ZNF804B: variants seen among roughly 807,000 people sequenced by gnomAD.
ZNF804B encodes zinc finger protein 804B, also known as zinc finger 804B.
In ZNF804B, 80 loss-of-function variants were observed where a neutral mutation model predicts 101.4. The observed-to-expected ratio is 0.79, with a 90% confidence interval of 0.66 to 0.95. ZNF804B has a LOEUF of 0.95. Among genes scored for constraint, ZNF804B ranks in the 40% least tolerant of loss-of-function variants. ZNF804B has a pLI of 0.00. For missense variants in ZNF804B, 1,673 were observed against 1,561.9 expected (o/e 1.07, Z -1.20); for synonymous variants, 622 against 558.8 (o/e 1.11, Z -1.59).
intron 1 of ZNF804B, among the ~76,000 whole-genome samples, chr7:89,195,867 A>G (rs1788540305): frequency 7.8e-6 from 1 of 128,492 alleles, no homozygotes; most frequent in Non-Finnish European, 1.6e-5. Flanking sequence ...GGACCTCTTG[A>G]AAGAGAACTA....
At chr7:88,895,052 A>C (rs1336853862) in intron 1 of ZNF804B, among the ~76,000 whole-genome samples, 2 of 152,236 alleles carry the variant, frequency 1.3e-5, no homozygotes, top group African/African-American at 4.8e-5. Flanking sequence ...AAAATGTATA[A>C]AACAATCTCA....
chr7:88,968,062 T>G (rs958676405), intron 1 of ZNF804B, among the ~76,000 whole-genome samples: 1 of 151,448 alleles, frequency 6.6e-6, no homozygotes, highest in Non-Finnish European at 1.5e-5. Context: ...TATTCTAACC[T>G]TTCAAAAAAA....
chr7:88,960,528 G>A (rs1793373531), intron 1 of ZNF804B, among the ~76,000 whole-genome samples: 1 of 149,728 alleles, frequency 6.7e-6, no homozygotes, highest in Admixed American at 6.6e-5. Flanking sequence ...GAAATAAGGA[G>A]GGATAAGAAA....
At chr7:88,903,551 A>C (rs1179616272) in intron 1 of ZNF804B, among the ~76,000 whole-genome samples, 1 of 152,180 alleles carries the variant, frequency 6.6e-6, no homozygotes, top group Non-Finnish European at 1.5e-5. Flanking sequence ...ACAGTGGCTG[A>C]ACTGCTTTAC....
chr7:88,769,636 A>C (rs576264979), intron 1 of ZNF804B, among the ~76,000 whole-genome samples: 54 of 152,292 alleles, frequency 3.5e-4, no homozygotes, highest in African/African-American at 1.3e-3. Context: ...AGTTTATAGG[A>C]GGTACATAAG....
At position 89,120,115 on chromosome 7, in the gene ZNF804B, T is replaced by G. The variant is rs113024906; in HGVS notation, c.109-98040T>G. On this transcript the variant is annotated intron_variant, in intron 1 of 3. Coordinates refer to ENST00000333190, the MANE Select transcript of ZNF804B (RefSeq NM_181646.5). ...GGGGCACCTTTATCACCTTTATCTATCCATTTAAAAATGAAGACTTAAAAC... is the reference window on the plus strand; with the variant it reads ...GGGGCACCTTTATCACCTTTATCTAGCCATTTAAAAATGAAGACTTAAAAC... Among the ~76,000 whole-genome samples the G allele has an allele frequency of 3.1e-3, 466 of 152,178 alleles. 4 individuals are homozygous for G. The highest frequency in any genetic ancestry group is 0.011 in the African/African-American group (445 of 41,532).
intron 1 of ZNF804B, among the ~76,000 whole-genome samples, chr7:89,117,189 A>G (rs749096086): frequency 3.9e-4 from 59 of 152,312 alleles, no homozygotes; most frequent in African/African-American, 1.3e-3. Context: ...TGATAAGTCA[A>G]TTTTGGCCAA....
At chr7:89,238,537 A>G (rs115513063) in intron 2 of ZNF804B, among the ~76,000 whole-genome samples, 1,741 of 152,300 alleles carry the variant, frequency 0.011, 33 homozygotes, top group African/African-American at 0.04. Flanking sequence ...AGTTAAATTT[A>G]TATGTATGTG....
At chr7:89,022,463 A>G (rs1173168069) in intron 1 of ZNF804B, among the ~76,000 whole-genome samples, 1 of 151,990 alleles carries the variant, frequency 6.6e-6, no homozygotes, top group East Asian at 1.9e-4. Context: ...CTTTGTTTTT[A>G]TTGTTGTTTT....
At chr7:88,761,277 TA>T (rs950580942) in intron 1 of ZNF804B, among the ~76,000 whole-genome samples, 1 of 152,148 alleles carries the variant, frequency 6.6e-6, no homozygotes, top group Non-Finnish European at 1.5e-5. Context: ...TTATGTACTA[TA>T]AAAAGTGGGT....
intron 2 of ZNF804B, among the ~76,000 whole-genome samples, chr7:89,278,808 G>T (rs1206765921): frequency 6.6e-6 from 1 of 151,204 alleles, no homozygotes; most frequent in African/African-American, 2.4e-5. Flanking sequence ...TTGTTCTTTT[G>T]GCTTAGGATT....
At chr7:88,975,435 A>G (rs748313696) in intron 1 of ZNF804B, among the ~76,000 whole-genome samples, 6 of 151,256 alleles carry the variant, frequency 4.0e-5, no homozygotes, top group African/African-American at 7.3e-5. Context: ...ATCCTCACCA[A>G]TATTTGATAT....
chr7:89,277,584 G>A (rs1336674208), intron 2 of ZNF804B, among the ~76,000 whole-genome samples: 1 of 147,510 alleles, frequency 6.8e-6, no homozygotes, highest in African/African-American at 2.5e-5. Flanking sequence ...CCACCTATGA[G>A]TGAGAATATG....
intron 1 of ZNF804B, among the ~76,000 whole-genome samples, chr7:89,121,895 G>C (rs1279208742): frequency 1.3e-5 from 2 of 152,086 alleles, no homozygotes; most frequent in Non-Finnish European, 2.9e-5. Flanking sequence ...AGCTGGGTCT[G>C]TGAGTGTTGG....
chr7:88,999,237 A>T (rs1344834061), intron 1 of ZNF804B, among the ~76,000 whole-genome samples: 1 of 152,096 alleles, frequency 6.6e-6, no homozygotes, highest in Non-Finnish European at 1.5e-5. Context: ...ATACAGCAGA[A>T]TTTAACTCAA....
At chr7:89,235,352 A>G (rs961695062) in intron 2 of ZNF804B, among the ~76,000 whole-genome samples, 3 of 152,186 alleles carry the variant, frequency 2.0e-5, no homozygotes, top group African/African-American at 4.8e-5. Flanking sequence ...TCTTCTCCAT[A>G]AAGTCAAAAG....
chr7:88,854,410 T>TCTTCCTTTCTTTCTTTCTTCCTTC (rs1562812540), intron 1 of ZNF804B, among the ~76,000 whole-genome samples: 25 of 132,702 alleles, frequency 1.9e-4, no homozygotes, highest in East Asian at 8.7e-4. Context: ...TTTCTTTCTT[T>TCTTCCTTTCTTTCTTTCTTCCTTC]CTTCCTTTCT....
At chr7:88,936,178 A>G (rs1017156926) in intron 1 of ZNF804B, among the ~76,000 whole-genome samples, 1 of 151,908 alleles carries the variant, frequency 6.6e-6, no homozygotes, top group South Asian at 2.1e-4. Context: ...AAAGCACTTT[A>G]AGAATAAAAA....
At chr7:88,895,695 G>T (rs1031440722) in intron 1 of ZNF804B, among the ~76,000 whole-genome samples, 3 of 152,146 alleles carry the variant, frequency 2.0e-5, no homozygotes, top group Non-Finnish European at 4.4e-5. Flanking sequence ...AGAAAGTAAG[G>T]ATGTGCTCAG....
Sources: allele counts gnomAD v4.1 joint callset (sites outside exome capture counted in the v4.1 genomes callset), GRCh38; gene constraint gnomAD v4.1.1; transcripts MANE v1.5; gene names NCBI Gene and HGNC (gene_info 2026-07-23, HGNC 2026-07-21).